The following ENPP1 variants were observed in gnomAD, a reference collection of about 807,000 sequenced individuals.
ENPP1 encodes ectonucleotide pyrophosphatase/phosphodiesterase family member 1.
A neutral mutation model predicts 122.8 loss-of-function variants in ENPP1; 73 were observed. The ratio of observed to expected loss-of-function variants is 0.59; its 90% confidence interval spans 0.49 to 0.72. ENPP1 has a LOEUF of 0.72. Ranked by LOEUF, ENPP1 falls within the 30% of genes least tolerant of loss-of-function variation. The pLI, the probability that ENPP1 is intolerant of heterozygous loss-of-function variation, is 0.00. For missense variants in ENPP1, 978 were observed against 1,128.1 expected, an observed-to-expected ratio of 0.87 and a Z score of 1.91; for synonymous variants, 367 against 391.6, an observed-to-expected ratio of 0.94 and a Z score of 0.74.
chr6:131,858,662 T>A lies in ENPP1; in HGVS notation c.716-6T>A, dbSNP rs368179464. ...TAATAACAATGTTTATTTTTTTCCC[T>A]TCTAGAAAAATGTGGAACATATACT... is the stretch of plus-strand genomic sequence containing the variant. On this transcript the variant is annotated splice_polypyrimidine_tract_variant and splice_region_variant and intron_variant, in intron 6 of 24. Transcript: ENST00000647893. 11 of 1,584,578 alleles carry A rather than the reference T, an allele frequency of 6.9e-6. No homozygotes were observed. Among genetic ancestry groups the A allele is most frequent in the African/African-American group, 1.3e-5 (1 of 74,270 alleles).
intron 23 of ENPP1, among the ~76,000 whole-genome samples, chr6:131,885,520 G>C (rs1782365878): frequency 6.6e-6 from 1 of 152,150 alleles, no homozygotes; most frequent in Non-Finnish European, 1.5e-5. Context: ...ACTGTGGCTG[G>C]AGGGGCATGA....
chr6:131,862,829 A>G (rs930645996), intron 9 of ENPP1, among the ~76,000 whole-genome samples: 2 of 152,082 alleles, frequency 1.3e-5, no homozygotes, highest in Non-Finnish European at 2.9e-5. Flanking sequence ...CCTAAACTAT[A>G]ATTTCTGATC....
chr6:131,847,082 G>C (rs1781820079), intron 1 of ENPP1, among the ~76,000 whole-genome samples: 1 of 152,170 alleles, frequency 6.6e-6, no homozygotes, highest in Admixed American at 6.5e-5. Context: ...GGTAACACTT[G>C]GTCCAGGAGG....
chr6:131,811,368 CTATATCTATATATCTA>C (rs1198710201), intron 1 of ENPP1, among the ~76,000 whole-genome samples: 3 of 142,618 alleles, frequency 2.1e-5, no homozygotes, highest in Non-Finnish European at 4.5e-5. Flanking sequence ...ATATCTATAT[CTATATCTATATATCTA>C]TATCTATATC....
chr6:131,830,299 C>T (rs1233512849), intron 1 of ENPP1, among the ~76,000 whole-genome samples: 2 of 152,158 alleles, frequency 1.3e-5, no homozygotes, highest in African/African-American at 2.4e-5. Context: ...GCCCACTCTA[C>T]GGACCTTCTT....
At chr6:131,863,789 G>A (rs977308137) in intron 9 of ENPP1, among the ~76,000 whole-genome samples, 3 of 151,444 alleles carry the variant, frequency 2.0e-5, no homozygotes, top group Non-Finnish European at 4.4e-5. Flanking sequence ...GGTGGTGCAC[G>A]CCTGTAGTCC....
chr6:131,836,240 G>A (rs568471442), intron 1 of ENPP1, among the ~76,000 whole-genome samples: 2 of 152,066 alleles, frequency 1.3e-5, no homozygotes, highest in East Asian at 1.9e-4. Flanking sequence ...AGCCTCCCTA[G>A]TAGCTGGGAT....
chr6:131,865,475 C>CATGGACTAACACTTTCA (rs1487519028), intron 11 of ENPP1, among the ~76,000 whole-genome samples: 3 of 152,220 alleles, frequency 2.0e-5, no homozygotes, highest in African/African-American at 7.2e-5. Context: ...CGAAACAGCT[C>CATGGACTAACACTTTCA]ATGGACTAAC....
At chr6:131,824,041 G>A (rs765319143) in intron 1 of ENPP1, among the ~76,000 whole-genome samples, 2 of 151,572 alleles carry the variant, frequency 1.3e-5, no homozygotes, top group African/African-American at 2.4e-5. Flanking sequence ...AGTTTTTACT[G>A]TGTGGGCAGT....
In ENPP1 at chr6:131,864,910, G is replaced by A. The variant is rs750866854; in HGVS notation, c.1136G>A (p.Gly379Asp). 2 of 1,605,418 alleles carry A rather than the reference G, an allele frequency of 1.2e-6. No homozygotes were observed. Among genetic ancestry groups the A allele is most frequent in the East Asian group, 2.2e-5 (1 of 44,742 alleles). The part of the protein sequence containing the change: ...TLYLEEPDSS[G>D]HSYGPVSSEV... ...TATTTAGAAGAACCAGATTCTTCAG[G>A]TCATTCATATGGACCAGTCAGCAGT... The change falls in exon 11 of 25, where the codon GGT (glycine) becomes GAT (aspartate). Residue 379 changes from glycine to aspartate, a missense_variant. Physicochemically the swap from Gly to Asp is moderately conservative, Grantham distance 94 (BLOSUM62 -1). Around this residue, in one of 3 missense-constraint regions of ENPP1, gnomAD observed 644 missense variants for 781.5 expected, o/e 0.82. Coordinates refer to ENST00000647893, the MANE Select transcript of ENPP1 (RefSeq NM_006208.3).
At chr6:131,873,845 G>T (rs1403226230) in intron 15 of ENPP1, among the ~76,000 whole-genome samples, 4 of 151,350 alleles carry the variant, frequency 2.6e-5, no homozygotes, top group Admixed American at 6.6e-5. Flanking sequence ...AAGGAGAAAT[G>T]GTCCTATCTT....
In ENPP1 at chr6:131,891,266, G is replaced by C. The variant is rs1782466230; in HGVS notation, c.*755G>C. ...TGGTAATTAACATAGGTTTAAAATG[G>C]CTTCAAATGTGGCCCTATAGACGGT... On this transcript the variant is annotated 3_prime_UTR_variant, in exon 25 of 25. Coordinates refer to ENST00000647893, the MANE Select transcript of ENPP1 (RefSeq NM_006208.3). The C allele has an allele frequency of 6.6e-6, 1 of 152,176 alleles. No individual in the cohort carries two copies. The highest frequency in any genetic ancestry group is 1.5e-5 in the Non-Finnish European group (1 of 68,046). The allele number at this position is 152,176 out of a possible 1,614,324, so 9.4% of individuals were successfully genotyped here. A position where few individuals can be genotyped will look rare whatever the true frequency, so the allele number is the denominator to read the frequency against.
intron 7 of ENPP1, 76 bp downstream of exon 7, chr6:131,858,823 T>A: frequency 1.8e-6 from 2 of 1,097,354 alleles, no homozygotes; most frequent in Non-Finnish European, 2.8e-6. Context: ...GGAATAGATT[T>A]AAGATAAAAG....
chr6:131,879,107 G>A (rs1476663321), intron 19 of ENPP1, among the ~76,000 whole-genome samples: 1 of 152,030 alleles, frequency 6.6e-6, no homozygotes, highest in Non-Finnish European at 1.5e-5. Context: ...AAGTTACTTG[G>A]CACACATTTT....
intron 16 of ENPP1, 67 bp downstream of exon 16, chr6:131,874,404 T>G (rs1378566247): frequency 2.3e-6 from 2 of 859,490 alleles, no homozygotes; most frequent in Non-Finnish European, 3.9e-6. Flanking sequence ...AGTTTTAGAC[T>G]TGAAAACATA....
intron 1 of ENPP1, among the ~76,000 whole-genome samples, chr6:131,809,087 TGTG>T (rs764241372): frequency 2.1e-4 from 32 of 152,180 alleles, no homozygotes; most frequent in Non-Finnish European, 3.2e-4. Context: ...CAATTTCTAA[TGTG>T]TGAAAATGGG....
rs1782526062 is a variant in ENPP1, at chr6:131,894,884, CCTT to C, written c.*4377_*4379del. The C allele has an allele frequency of 1.3e-5, 2 of 152,246 alleles. No individual in the cohort carries two copies. The highest frequency in any genetic ancestry group is 2.9e-5 in the Non-Finnish European group (2 of 68,080). 9.4% of individuals were successfully genotyped at this position (152,246 alleles called of 1,614,324 possible). A position where few individuals can be genotyped will look rare whatever the true frequency, so the allele number is the denominator to read the frequency against. On this transcript the variant is annotated 3_prime_UTR_variant, in exon 25 of 25. Transcript: ENST00000647893. ...CTCTGTCATTACCCACAATCACTCT[CCTT>C]CTTTGCGCTATGGTAGGTGTTTACC... is the stretch of plus-strand genomic sequence containing the variant.
chr6:131,863,079 A>T (rs1202963651), intron 9 of ENPP1, among the ~76,000 whole-genome samples: 1 of 152,196 alleles, frequency 6.6e-6, no homozygotes, highest in East Asian at 1.9e-4. Flanking sequence ...GATCTCTTTC[A>T]CTGTCATAAT....
At chr6:131,830,485 C>T (rs1781597473) in intron 1 of ENPP1, among the ~76,000 whole-genome samples, 1 of 152,128 alleles carries the variant, frequency 6.6e-6, no homozygotes, top group Admixed American at 6.5e-5. Flanking sequence ...AGGCACCTGA[C>T]CACAGTGCCC....
Sources: gnomAD v4.1 joint callset for allele counts (sites outside exome capture counted in the v4.1 genomes callset) on GRCh38, gnomAD v4.1.1 for gene constraint, gnomAD v4.1.1 regional missense constraint, MANE v1.5 for transcripts, NCBI Gene and HGNC (gene_info 2026-07-23, HGNC 2026-07-21) for gene names.